ITGA11: variants seen among roughly 807,000 people sequenced by gnomAD.
ITGA11 encodes integrin alpha-11.
In ITGA11, 97 loss-of-function variants were observed where a neutral mutation model predicts 141.9. The observed-to-expected ratio is 0.68, with a 90% confidence interval of 0.58 to 0.81. The LOEUF (loss-of-function observed/expected upper bound fraction) is 0.81, where lower values mean the gene tolerates loss of function less well. Ranked by LOEUF, ITGA11 falls within the 30% of genes least tolerant of loss-of-function variation. ITGA11 has a pLI of 0.00. For synonymous variants in ITGA11, 658 were observed against 624.6 expected (o/e 1.05, Z -0.80); for missense variants, 1,387 against 1,559.2 (o/e 0.89, Z 1.86).
At chr15:68,396,933 T>TATAATATATTATTTATTATATAATAA (rs1567156405) in intron 2 of ITGA11, among the ~76,000 whole-genome samples, 1 of 31,508 alleles carries the variant, frequency 3.2e-5, no homozygotes, top group African/African-American at 1.5e-4. Context: ...TTATATAATA[T>TATAATATATTATTTATTATATAATAA]ATAATATATT....
chr15:68,351,133 G>A (rs1249187742), intron 8 of ITGA11, 125 bp downstream of exon 8: 15 of 1,000,870 alleles, frequency 1.5e-5, no homozygotes, highest in Non-Finnish European at 2.2e-5. Flanking sequence ...AGATGAAATG[G>A]GAGGCTTTTT....
intron 26 of ITGA11, among the ~76,000 whole-genome samples, chr15:68,309,656 G>T (rs907465760): frequency 6.9e-6 from 1 of 144,404 alleles, no homozygotes; most frequent in African/African-American, 2.6e-5. Context: ...GTACAGTGGC[G>T]CCAACTTGGC....
At chr15:68,348,149 C>T (rs181145020) in intron 10 of ITGA11, among the ~76,000 whole-genome samples, 1 of 152,368 alleles carries the variant, frequency 6.6e-6, no homozygotes, top group East Asian at 1.9e-4. Context: ...TATGAACCAG[C>T]ACCAGGTGAA....
chr15:68,357,652 T>C (rs1895111625), intron 6 of ITGA11, among the ~76,000 whole-genome samples: 1 of 151,146 alleles, frequency 6.6e-6, no homozygotes, highest in South Asian at 2.1e-4. Context: ...GTCACAGTGT[T>C]TACCAAACTC....
intron 1 of ITGA11, among the ~76,000 whole-genome samples, chr15:68,405,909 C>A (rs147653979): frequency 6.6e-6 from 1 of 152,252 alleles, no homozygotes; most frequent in East Asian, 1.9e-4. Context: ...TATGCACGCA[C>A]GTGCACACAC....
At chr15:68,371,487 T>C (rs1595882046) in intron 2 of ITGA11, among the ~76,000 whole-genome samples, 1 of 151,834 alleles carries the variant, frequency 6.6e-6, no homozygotes, top group East Asian at 1.9e-4. Flanking sequence ...CTGAGGTAGG[T>C]GGATCACCTG....
chr15:68,417,232 G>A (rs1420217835), intron 1 of ITGA11, among the ~76,000 whole-genome samples: 1 of 152,136 alleles, frequency 6.6e-6, no homozygotes, highest in Non-Finnish European at 1.5e-5. Context: ...GCTGGAAAAG[G>A]AACCCAGGTT....
Position 68,328,183 on chromosome 15 carries a change from G to A in ITGA11, c.1981C>T (p.Arg661Cys), listed in dbSNP as rs374681501. The A allele has an allele frequency of 5.0e-5, 81 of 1,613,798 alleles. No homozygotes were observed. The highest frequency in any genetic ancestry group is 4.9e-4 in the Middle Eastern group (3 of 6,084). The stretch of plus-strand genomic sequence containing the variant: ...AGGCAGGTGGCATCCCTGCCACTGC[G>A]CTTGCAGTCTCTGTGGAAGATGTTG... ...KINIFHRDCKRSGRDATCLAA... is the reference protein window; with the variant it reads ...KINIFHRDCKCSGRDATCLAA... The change falls in exon 16 of 30, where the codon CGC becomes TGC. Residue 661 changes from arginine (R) to cysteine (C), a missense_variant. Coordinates refer to ENST00000315757, the MANE Select transcript of ITGA11 (RefSeq NM_001004439.2). This position sits in a 1 kb window ranked among gnomAD's most constrained non-coding sequence, Gnocchi z 4.8.
At position 68,303,966 on chromosome 15, in the gene ITGA11, G is replaced by T; in HGVS notation, c.3382-81C>A. On this transcript the variant is annotated intron_variant, in intron 28 of 29. Transcript: ENST00000315757. The surrounding 1 kb of genome is among the most constrained non-coding windows in gnomAD (Gnocchi z 5.3). The stretch of plus-strand genomic sequence containing the variant: ...AGTCTGGGAGGGGCAGGAGGGTGGA[G>T]ACAGCTGGCACCTGGTGGGGGAGCT... 1.2e-6 allele frequency: 1 copy of T among 836,426 alleles called. No homozygotes were observed. The highest frequency in any genetic ancestry group is 2.0e-6 in the Non-Finnish European group (1 of 500,664). 51.8% of individuals were successfully genotyped at this position (836,426 alleles called of 1,614,324 possible).
chr15:68,397,166 T>A (rs1331521603), intron 2 of ITGA11, among the ~76,000 whole-genome samples: 36 of 40 alleles, frequency 0.9, 18 homozygotes, highest in African/African-American at 1. Context: ...ATTTAATATT[T>A]TAAATTTTAT....
rs770511893 is a variant in ITGA11, at chr15:68,403,075, C to G, written c.53-46G>C. 136 of 1,330,686 alleles carry G rather than the reference C, an allele frequency of 1.0e-4. 2 individuals carry two copies. In the South Asian group the frequency reaches 1.5e-3, roughly 15 times the overall value. The allele number at this position is 1,330,686 out of a possible 1,614,324, so 82.4% of individuals were successfully genotyped here. ...AGGAGAAGCAGGGGAGTCAGACAGG[C>G]AGAGGTGTAGGCCCTGGGCTGTGTC... On this transcript the variant is annotated intron_variant, in intron 1 of 29. Coordinates refer to ENST00000315757, the MANE Select transcript of ITGA11 (RefSeq NM_001004439.2).
Position 68,302,974 on chromosome 15 carries a change from A to G in ITGA11, c.*85T>C. 3 of 1,154,616 alleles carry G rather than the reference A, an allele frequency of 2.6e-6. No homozygotes were observed. The highest frequency in any genetic ancestry group is 5.2e-5 in the Admixed American group (2 of 38,326). 71.5% of individuals were successfully genotyped at this position (1,154,616 alleles called of 1,614,324 possible). A position where few individuals can be genotyped will look rare whatever the true frequency, so the allele number is the denominator to read the frequency against. Reference sequence around the variant, plus strand: ...AGCCAGCTGGCTTCCTCTCCGCTCCAGCTCGGTGGGGCCACAGGCCTGGGT... The same window carrying G: ...AGCCAGCTGGCTTCCTCTCCGCTCCGGCTCGGTGGGGCCACAGGCCTGGGT... On this transcript the variant is annotated 3_prime_UTR_variant, in exon 30 of 30. Coordinates refer to ENST00000315757, the MANE Select transcript of ITGA11 (RefSeq NM_001004439.2).
At position 68,314,405 on chromosome 15, in the gene ITGA11, C is replaced by T. The variant is rs144960849; in HGVS notation, c.2793-537G>A. Among the ~76,000 whole-genome samples, 479 of 152,322 alleles carry T rather than the reference C, an allele frequency of 3.1e-3. 3 individuals are homozygous for T. The East Asian group carries it at 0.032, about 10-fold the overall frequency. ...TTCAGAGACATCTTCCGGGGGGGTT[C>T]TGTCCAGTGTGCCTCCCTTTATATC... is the stretch of plus-strand genomic sequence containing the variant. On this transcript the variant is annotated intron_variant, in intron 22 of 29. Transcript: ENST00000315757.
In ITGA11 at chr15:68,335,081, G is replaced by A. The variant is rs1377772049; in HGVS notation, c.1425+616C>T. 1.3e-5 allele frequency among the ~76,000 whole-genome samples: 2 copies of A among 152,180 alleles called. No homozygotes were observed. Among genetic ancestry groups the A allele is most frequent in the Non-Finnish European group, 2.9e-5 (2 of 68,032 alleles). On this transcript the variant is annotated intron_variant, in intron 12 of 29. Coordinates refer to ENST00000315757, the MANE Select transcript of ITGA11 (RefSeq NM_001004439.2). The surrounding 1 kb of genome is among the most constrained non-coding windows in gnomAD (Gnocchi z 4.9). ...TCAGGAGAGCCGGCAGGGAGCTGGG[G>A]ACAACATGGAAGGGCCTGGACAGCA...
At chr15:68,409,035 G>A (rs1038093402) in intron 1 of ITGA11, among the ~76,000 whole-genome samples, 1 of 152,240 alleles carries the variant, frequency 6.6e-6, no homozygotes, top group African/African-American at 2.4e-5. Flanking sequence ...GCCTGGTGCA[G>A]GAAAGGTACT....
chr15:68,358,365 T>C, intron 6 of ITGA11, 93 bp downstream of exon 6: 1 of 1,389,070 alleles, frequency 7.2e-7, no homozygotes, highest in Non-Finnish European at 9.6e-7. Context: ...ACCTCCTTCG[T>C]GCATGCAAAG....
intron 3 of ITGA11, chr15:68,365,591 G>A (rs1214063538): frequency 1.3e-5 from 2 of 151,218 alleles, no homozygotes; most frequent in Admixed American, 1.3e-4. Context: ...TACAGGAAGA[G>A]GGAGTGGGAG....
In ITGA11 at chr15:68,304,676, A is replaced by G. The variant is rs1370326451; in HGVS notation, c.3382-791T>C. ...TCCTGGCCTGCCTGGCAACTGTAACAGGCCCCTAACCAAGCTCTTAACACC... is the reference window on the plus strand; with the variant it reads ...TCCTGGCCTGCCTGGCAACTGTAACGGGCCCCTAACCAAGCTCTTAACACC... On this transcript the variant is annotated intron_variant, in intron 28 of 29. Transcript: ENST00000315757. This position sits in a 1 kb window ranked among gnomAD's most constrained non-coding sequence, Gnocchi z 6.1. Among the ~76,000 whole-genome samples the G allele has an allele frequency of 6.6e-6, 1 of 151,994 alleles. No homozygotes were observed. The highest frequency in any genetic ancestry group is 2.4e-5 in the African/African-American group (1 of 41,378).
At chr15:68,404,244 G>A (rs933402277) in intron 1 of ITGA11, among the ~76,000 whole-genome samples, 7 of 152,078 alleles carry the variant, frequency 4.6e-5, no homozygotes, top group Admixed American at 3.9e-4. Flanking sequence ...GGCCATGGGC[G>A]CCGGCACTGG....
Sources: allele counts gnomAD v4.1 joint callset (sites outside exome capture counted in the v4.1 genomes callset), GRCh38; gene constraint gnomAD v4.1.1; non-coding constraint Gnocchi (gnomAD v3.1); transcripts MANE v1.5; gene names NCBI Gene and HGNC (gene_info 2026-07-23, HGNC 2026-07-21).